Variants in LINGO2 observed in about 807,000 individuals in gnomAD.
LINGO2 encodes leucine-rich repeat and immunoglobulin-like domain-containing nogo receptor-interacting protein 2.
Under a neutral mutation model 30.6 loss-of-function variants are expected in LINGO2, and 14 were observed. That is an observed-to-expected ratio of 0.46 (90% confidence interval 0.30 to 0.72). LINGO2 has a LOEUF of 0.72. LINGO2 is among the 30% of genes least tolerant of loss of function. LINGO2 has a pLI of 0.07. For synonymous variants in LINGO2, 317 were observed against 288.5 expected (o/e 1.10, Z -1.00); for missense variants, 729 against 751.7 (o/e 0.97, Z 0.35).
chr9:28,327,525 G>C (rs1016025688), intron 3 of LINGO2, among the ~76,000 whole-genome samples: 1 of 152,176 alleles, frequency 6.6e-6, no homozygotes, highest in African/African-American at 2.4e-5. Flanking sequence ...TTCTCCCTTA[G>C]GGGGAGTGTG....
At chr9:28,010,107 A>G (rs892129292) in intron 5 of LINGO2, among the ~76,000 whole-genome samples, 2 of 152,238 alleles carry the variant, frequency 1.3e-5, no homozygotes, top group Non-Finnish European at 2.9e-5. Context: ...CATTACGCAA[A>G]GTGAAAAAGG....
chr9:28,700,078 C>G, the LINGO2 span, among the ~76,000 whole-genome samples: 3 of 151,882 alleles, frequency 2.0e-5, no homozygotes, highest in African/African-American at 7.3e-5. Flanking sequence ...CTACTCCTAC[C>G]CTTTTGAAAT....
chr9:28,615,084 C>CT (rs1826080615), intron 1 of LINGO2, among the ~76,000 whole-genome samples: 3 of 151,596 alleles, frequency 2.0e-5, no homozygotes, highest in Admixed American at 6.6e-5. Flanking sequence ...TTTTCTGTAC[C>CT]CTACATGGGA....
the LINGO2 span, among the ~76,000 whole-genome samples, chr9:28,906,720 T>C: frequency 1.3e-5 from 2 of 151,868 alleles, no homozygotes; most frequent in African/African-American, 4.8e-5. Flanking sequence ...TTAATTTTGC[T>C]CCCCTAACAA....
At chr9:28,874,583 G>GAGATTA in the LINGO2 span, among the ~76,000 whole-genome samples, 2 of 151,960 alleles carry the variant, frequency 1.3e-5, no homozygotes, top group Non-Finnish European at 2.9e-5. Context: ...AGGGCACAGT[G>GAGATTA]AGATTAAGTA....
the LINGO2 span, among the ~76,000 whole-genome samples, chr9:28,680,929 C>T: frequency 2.0e-5 from 3 of 151,862 alleles, no homozygotes; most frequent in South Asian, 2.1e-4. Context: ...CTTGGCTGTG[C>T]GGAAGGTTTT....
At chr9:28,649,891 A>G (rs1333779644) in intron 1 of LINGO2, among the ~76,000 whole-genome samples, 1 of 152,158 alleles carries the variant, frequency 6.6e-6, no homozygotes, top group Non-Finnish European at 1.5e-5. Context: ...CCCTGATTCA[A>G]CCCTCAGAAG....
the LINGO2 span, among the ~76,000 whole-genome samples, chr9:28,958,642 C>T: frequency 6.6e-6 from 1 of 151,914 alleles, no homozygotes; most frequent in Non-Finnish European, 1.5e-5. Flanking sequence ...TATGCACCTA[C>T]GCTTTACTTT....
intron 4 of LINGO2, among the ~76,000 whole-genome samples, chr9:28,021,180 A>C (rs1823102157): frequency 6.6e-6 from 1 of 152,040 alleles, no homozygotes; most frequent in South Asian, 2.1e-4. Context: ...AATATTTCTA[A>C]GGACTGATTT....
At chr9:28,565,364 C>A (rs1416958742) in intron 1 of LINGO2, among the ~76,000 whole-genome samples, 3 of 146,554 alleles carry the variant, frequency 2.0e-5, no homozygotes, top group Admixed American at 1.4e-4. Flanking sequence ...ATTTTTTGTA[C>A]TTTTTAGTAG....
intron 2 of LINGO2, among the ~76,000 whole-genome samples, chr9:28,423,832 T>C (rs1239153221): frequency 6.6e-6 from 1 of 152,178 alleles, no homozygotes; most frequent in Non-Finnish European, 1.5e-5. Context: ...GTTTTCAAGA[T>C]ATAATTCAGA....
At chr9:28,933,096 AG>A in the LINGO2 span, among the ~76,000 whole-genome samples, 2 of 151,932 alleles carry the variant, frequency 1.3e-5, no homozygotes, top group Admixed American at 1.3e-4. Flanking sequence ...TAGTATTGAC[AG>A]GGTTTTGCCA....
At chr9:28,146,184 T>C (rs1827807832) in intron 4 of LINGO2, among the ~76,000 whole-genome samples, 1 of 152,208 alleles carries the variant, frequency 6.6e-6, no homozygotes, top group Non-Finnish European at 1.5e-5. Flanking sequence ...CCCCTTCAGA[T>C]GTAACTGCCC....
At chr9:28,817,238 A>T in the LINGO2 span, among the ~76,000 whole-genome samples, 1 of 53,164 alleles carries the variant, frequency 1.9e-5, no homozygotes, top group African/African-American at 4.4e-5. Context: ...GACTTAAGAT[A>T]AAAAAAAAAG....
At chr9:28,156,528 A>T (rs2133577461) in intron 4 of LINGO2, among the ~76,000 whole-genome samples, 1 of 152,348 alleles carries the variant, frequency 6.6e-6, no homozygotes, top group African/African-American at 2.4e-5. Context: ...CTGGGAAAAT[A>T]AGATGTCTCT....
At chr9:28,110,936 T>A (rs1008230350) in intron 4 of LINGO2, among the ~76,000 whole-genome samples, 3 of 152,038 alleles carry the variant, frequency 2.0e-5, no homozygotes, top group African/African-American at 7.2e-5. Flanking sequence ...TACATGCACA[T>A]GTATGCTTAT....
the LINGO2 span, among the ~76,000 whole-genome samples, chr9:28,686,834 A>G: frequency 6.6e-6 from 1 of 152,050 alleles, no homozygotes; most frequent in African/African-American, 2.4e-5. Context: ...ATTTCTGGTG[A>G]TAGGAGTATT....
chr9:29,037,719 A>G, the LINGO2 span, among the ~76,000 whole-genome samples: 2 of 152,090 alleles, frequency 1.3e-5, no homozygotes, highest in Admixed American at 6.6e-5. Context: ...TCCATTTTAC[A>G]TATTTTCTTA....
the LINGO2 span, among the ~76,000 whole-genome samples, chr9:29,039,587 C>A: frequency 6.6e-6 from 1 of 152,144 alleles, no homozygotes; most frequent in Non-Finnish European, 1.5e-5. Flanking sequence ...GTCTACTTTG[C>A]ATTTTCTCTG....
Sources: gnomAD v4.1 joint callset for allele counts (sites outside exome capture counted in the v4.1 genomes callset) on GRCh38, gnomAD v4.1.1 for gene constraint, MANE v1.5 for transcripts, NCBI Gene and HGNC (gene_info 2026-07-23, HGNC 2026-07-21) for gene names.